Variants in PLCL1 observed in about 807,000 individuals in gnomAD.
PLCL1 encodes the protein phospholipase C like 1 (inactive).
PLCL1 carries 41 observed loss-of-function variants against 84.4 expected under a neutral mutation model. The observed-to-expected ratio is 0.49, with a 90% confidence interval of 0.38 to 0.63. The LOEUF is 0.63. PLCL1 is among the 30% of genes least tolerant of loss of function. The probability of loss-of-function intolerance (pLI) is 0.00; values close to 1 mark genes in which losing one functional copy is unlikely to be tolerated. For missense variants in PLCL1, 1,206 were observed against 1,367.8 expected, an observed-to-expected ratio of 0.88 and a Z score of 1.87; for synonymous variants, 490 against 488.3, an observed-to-expected ratio of 1.00 and a Z score of -0.05.
chr2:198,096,238 C>T (rs906344126), intron 3 of PLCL1, among the ~76,000 whole-genome samples: 5 of 152,184 alleles, frequency 3.3e-5, no homozygotes, highest in African/African-American at 1.2e-4. Flanking sequence ...ATGTCCTTAG[C>T]TGGAGTCTTA....
At chr2:197,928,591 C>CT (rs1473263575) in intron 1 of PLCL1, among the ~76,000 whole-genome samples, 2 of 151,818 alleles carry the variant, frequency 1.3e-5, no homozygotes, top group Non-Finnish European at 2.9e-5. Flanking sequence ...AGGGGACTCT[C>CT]TTTTTTTTGA....
chr2:197,941,805 T>C (rs1689163364), intron 1 of PLCL1, among the ~76,000 whole-genome samples: 1 of 152,158 alleles, frequency 6.6e-6, no homozygotes, highest in African/African-American at 2.4e-5. Flanking sequence ...GCCCCACTGG[T>C]GCCTTTAATA....
intron 1 of PLCL1, among the ~76,000 whole-genome samples, chr2:197,944,113 T>A (rs139128023): frequency 6.8e-4 from 103 of 152,318 alleles, no homozygotes; most frequent in African/African-American, 2.5e-3. Flanking sequence ...AGTTTGCGTA[T>A]CTGGGTAGAT....
At chr2:197,882,978 A>G (rs906013594) in intron 1 of PLCL1, among the ~76,000 whole-genome samples, 1 of 152,178 alleles carries the variant, frequency 6.6e-6, no homozygotes, top group Non-Finnish European at 1.5e-5. Flanking sequence ...CATTTACATC[A>G]GGTTCAAAAA....
chr2:197,890,723 T>G, intron 1 of PLCL1, among the ~76,000 whole-genome samples: 1 of 117,802 alleles, frequency 8.5e-6, no homozygotes. Context: ...TATACGTATA[T>G]ATGCATATGT....
chr2:197,882,685 A>C (rs1687852415), intron 1 of PLCL1, among the ~76,000 whole-genome samples: 1 of 152,208 alleles, frequency 6.6e-6, no homozygotes, highest in Non-Finnish European at 1.5e-5. Context: ...AAGAATAAAA[A>C]ATTCTAAGTA....
chr2:198,091,417 C>A (rs569688152), intron 3 of PLCL1, among the ~76,000 whole-genome samples: 1 of 152,086 alleles, frequency 6.6e-6, no homozygotes, highest in East Asian at 1.9e-4. Context: ...GGCTGGATTA[C>A]ACTTGCAATC....
intron 1 of PLCL1, among the ~76,000 whole-genome samples, chr2:197,911,599 G>C (rs776050847): frequency 6.6e-6 from 1 of 152,094 alleles, no homozygotes; most frequent in Non-Finnish European, 1.5e-5. Flanking sequence ...GTATGAATTA[G>C]GCCAGGATTT....
chr2:197,805,323 G>C lies in PLCL1; in HGVS notation c.224G>C (p.Arg75Pro). 7.6e-7 allele frequency: 1 copy of C among 1,315,976 alleles called. No individual in the cohort carries two copies. 81.5% of individuals were successfully genotyped at this position (1,315,976 alleles called of 1,614,324 possible). ...LLEAARATPR[R>P]SSIIKDPSNQ... ...GAGGCAGCACGGGCGACCCCCCGGC[G>C]CAGCAGCATCATCAAGGTAAGCAAA... Residue 75 changes from arginine to proline, a missense_variant, in exon 1 of 6, where the codon CGC (arginine) becomes CCC (proline). Coordinates refer to ENST00000428675, the MANE Select transcript of PLCL1 (RefSeq NM_006226.4). The surrounding 1 kb of genome is among the most constrained non-coding windows in gnomAD (Gnocchi z 4.0).
chr2:198,101,323 C>T lies in PLCL1; in HGVS notation c.2958C>T (p.Asp986=), dbSNP rs1027198856. The part of the protein sequence containing the change: ...QESRFLIEMA[D]TVQEKIVQCQ... ...GCCGGTTTCTCATAGAAATGGCGGACACAGTCCAGGAAAAGATTGTACAGT... is the reference window on the plus strand; with the variant it reads ...GCCGGTTTCTCATAGAAATGGCGGATACAGTCCAGGAAAAGATTGTACAGT... Residue 986 remains aspartate (D), a synonymous_variant, in exon 4 of 6, where the codon GAC becomes GAT. Transcript: ENST00000428675. 7.5e-6 allele frequency: 12 copies of T among 1,599,432 alleles called. No individual in the cohort carries two copies. Among genetic ancestry groups the T allele is most frequent in the African/African-American group, 4.0e-5 (3 of 74,118 alleles).
chr2:197,999,322 A>G (rs1690543172), intron 1 of PLCL1, among the ~76,000 whole-genome samples: 1 of 152,234 alleles, frequency 6.6e-6, no homozygotes, highest in South Asian at 2.1e-4. Context: ...ATCATTTAGC[A>G]CAGCACCTGG....
At chr2:198,131,523 C>T (rs530617460) in intron 5 of PLCL1, among the ~76,000 whole-genome samples, 3 of 152,244 alleles carry the variant, frequency 2.0e-5, no homozygotes, top group Non-Finnish European at 2.9e-5. Context: ...AATCAAAGAA[C>T]GTCTCGTCAA....
At chr2:197,870,921 A>G (rs557266024) in intron 1 of PLCL1, among the ~76,000 whole-genome samples, 46 of 152,118 alleles carry the variant, frequency 3.0e-4, no homozygotes, top group African/African-American at 1.0e-3. Context: ...GATCATTCCA[A>G]TTCACTATAT....
intron 1 of PLCL1, among the ~76,000 whole-genome samples, chr2:197,952,215 A>G (rs1038139333): frequency 1.6e-4 from 24 of 152,298 alleles, no homozygotes; most frequent in African/African-American, 5.8e-4. Flanking sequence ...CCTGGTGTTC[A>G]AGAAAGTGCT....
intron 1 of PLCL1, among the ~76,000 whole-genome samples, chr2:197,862,527 A>G (rs1687449874): frequency 6.6e-6 from 1 of 152,190 alleles, no homozygotes; most frequent in African/African-American, 2.4e-5. Flanking sequence ...AATACATTTC[A>G]GTACAGCTGG....
intron 1 of PLCL1, among the ~76,000 whole-genome samples, chr2:197,815,893 A>G (rs1690677082): frequency 6.6e-6 from 1 of 152,178 alleles, no homozygotes; most frequent in Non-Finnish European, 1.5e-5. Context: ...CTTCTTATGT[A>G]TGAGCAAAGA....
intron 3 of PLCL1, among the ~76,000 whole-genome samples, chr2:198,095,406 T>C (rs1693168698): frequency 6.6e-6 from 1 of 152,192 alleles, no homozygotes; most frequent in Admixed American, 6.5e-5. Context: ...CTTTTTTTCA[T>C]TTAGGATTCA....
chr2:198,114,352 C>A (rs1054083463), intron 5 of PLCL1, among the ~76,000 whole-genome samples: 2 of 151,676 alleles, frequency 1.3e-5, no homozygotes, highest in Non-Finnish European at 1.5e-5. Flanking sequence ...CTTGGAGGTA[C>A]ACTTTTTTTT....
At chr2:197,896,133 A>G (rs193129883) in intron 1 of PLCL1, among the ~76,000 whole-genome samples, 3 of 152,116 alleles carry the variant, frequency 2.0e-5, no homozygotes, top group Non-Finnish European at 4.4e-5. Context: ...CACTGAACTA[A>G]ATGAGGCAGA....
Sources: gnomAD v4.1 joint callset for allele counts (sites outside exome capture counted in the v4.1 genomes callset) on GRCh38, gnomAD v4.1.1 for gene constraint, Gnocchi (gnomAD v3.1) non-coding constraint, MANE v1.5 for transcripts, NCBI Gene and HGNC (gene_info 2026-07-23, HGNC 2026-07-21) for gene names.